Variants in CTTNBP2NL observed in about 807,000 individuals in gnomAD.
The protein encoded by CTTNBP2NL is CTTNBP2 N-terminal-like protein.
CTTNBP2NL carries 16 observed loss-of-function variants against 32.5 expected under a neutral mutation model. That is an observed-to-expected ratio of 0.49 (90% CI 0.33 to 0.75). The LOEUF is 0.75. Ranked by LOEUF, CTTNBP2NL falls within the 30% of genes least tolerant of loss-of-function variation. The pLI is 0.02. For synonymous variants in CTTNBP2NL, 298 were observed against 289.4 expected (o/e 1.03, Z -0.30); for missense variants, 645 against 756.0 (o/e 0.85, Z 1.72).
chr1:112,403,464 C>G (rs1648565304), intron 1 of CTTNBP2NL, among the ~76,000 whole-genome samples: 1 of 152,132 alleles, frequency 6.6e-6, no homozygotes, highest in South Asian at 2.1e-4. Flanking sequence ...AGTAGTTGTT[C>G]AGATGAGTTC....
At chr1:112,393,354 C>G (rs758249900), upstream of CTTNBP2NL, among the ~76,000 whole-genome samples, 1 of 152,112 alleles carries the variant, frequency 6.6e-6, no homozygotes, top group Non-Finnish European at 1.5e-5. Context: ...TGGAAATTTA[C>G]TTATTTGGAA....
upstream of CTTNBP2NL, among the ~76,000 whole-genome samples, chr1:112,394,393 T>G (rs576718102): frequency 9.2e-5 from 14 of 152,228 alleles, no homozygotes; most frequent in East Asian, 2.5e-3. Flanking sequence ...AAATGGGATT[T>G]TTCAAGTTCC....
rs1650473381 is a variant in CTTNBP2NL at position 112,459,260 on chromosome 1, C to T, written c.*1848C>T. ...AACTTTCCAACTGTGTAGGCCAGTA[C>T]AGCTGGCAAGGTTCATAGAATATAA... On this transcript the variant is annotated 3_prime_UTR_variant, in exon 6 of 6. Transcript: ENST00000271277. The T allele has an allele frequency of 6.6e-6, 1 of 152,182 alleles. No individual in the cohort carries two copies. Among genetic ancestry groups the T allele is most frequent in the South Asian group, 2.1e-4 (1 of 4,824 alleles). 9.4% of individuals were successfully genotyped at this position (152,182 alleles called of 1,614,324 possible).
intron 1 of CTTNBP2NL, among the ~76,000 whole-genome samples, chr1:112,405,320 T>TA (rs1321920473): frequency 1.3e-5 from 2 of 152,162 alleles, no homozygotes; most frequent in African/African-American, 2.4e-5. Context: ...TGTTTTGAGA[T>TA]AGAGTCTTGC....
intron 3 of CTTNBP2NL, 139 bp from the exon 4 acceptor site, chr1:112,448,803 A>G (rs1274183408): frequency 1.6e-6 from 1 of 612,396 alleles, no homozygotes; most frequent in Non-Finnish European, 3.0e-6. Context: ...GTTTCTTTAG[A>G]TGGCTCAATC....
chr1:112,445,541 T>C (rs969970384), intron 3 of CTTNBP2NL, among the ~76,000 whole-genome samples: 3 of 152,222 alleles, frequency 2.0e-5, no homozygotes, highest in Admixed American at 6.5e-5. Flanking sequence ...TTTCCTATAT[T>C]TGACCCCATA....
intron 5 of CTTNBP2NL, among the ~76,000 whole-genome samples, chr1:112,455,400 G>A (rs1423726341): frequency 6.6e-6 from 1 of 152,150 alleles, no homozygotes; most frequent in Admixed American, 6.5e-5. Flanking sequence ...CTACCCGGGA[G>A]GCTGAGGCAG....
At chr1:112,420,814 C>T (rs1319493921) in intron 3 of CTTNBP2NL, among the ~76,000 whole-genome samples, 1 of 151,884 alleles carries the variant, frequency 6.6e-6, no homozygotes, top group African/African-American at 2.4e-5. Context: ...CCTGATTTTT[C>T]AAAAAAGAAA....
intron 4 of CTTNBP2NL, among the ~76,000 whole-genome samples, chr1:112,452,381 G>T (rs1427124733): frequency 2.3e-5 from 2 of 88,424 alleles, no homozygotes; most frequent in Admixed American, 1.7e-4. Context: ...TTTCACTCTT[G>T]TTGCTCAGGC....
chr1:112,416,538 G>T (rs946153928), intron 3 of CTTNBP2NL, among the ~76,000 whole-genome samples: 1 of 148,322 alleles, frequency 6.7e-6, no homozygotes, highest in Non-Finnish European at 1.5e-5. Flanking sequence ...TCACTCTGTC[G>T]CCAGGCTGGA....
chr1:112,430,171 C>G, intron 3 of CTTNBP2NL, among the ~76,000 whole-genome samples: 1 of 33,436 alleles, frequency 3.0e-5, no homozygotes, highest in Non-Finnish European at 7.6e-5. Flanking sequence ...TCTTTTCTTT[C>G]TTTTCTTTTC....
At chr1:112,402,114 T>C (rs1043182862) in intron 1 of CTTNBP2NL, among the ~76,000 whole-genome samples, 2 of 152,110 alleles carry the variant, frequency 1.3e-5, no homozygotes, top group African/African-American at 4.8e-5. Context: ...CTGGGTCTAC[T>C]CACCATAGAA....
chr1:112,416,038 ATTTCC>A (rs1265167944), intron 2 of CTTNBP2NL, 114 bp from the exon 3 acceptor site: 4 of 637,152 alleles, frequency 6.3e-6, no homozygotes, highest in Non-Finnish European at 1.1e-5. Flanking sequence ...AATTTCAACT[ATTTCC>A]TTTATTAAGG....
intron 2 of CTTNBP2NL, among the ~76,000 whole-genome samples, chr1:112,414,060 TAAATA>T (rs1486871087): frequency 6.9e-6 from 1 of 145,392 alleles, no homozygotes; most frequent in African/African-American, 2.6e-5. Flanking sequence ...AAAAAATAAA[TAAATA>T]AAAAGAAAAA....
chr1:112,456,929 A>G lies in CTTNBP2NL; in HGVS notation c.1437A>G (p.Leu479=), dbSNP rs113335893. Residue 479 remains leucine (L), a synonymous_variant, in exon 6 of 6, where the codon CTA becomes CTG. Coordinates refer to ENST00000271277, the MANE Select transcript of CTTNBP2NL (RefSeq NM_018704.3). ...ATCAGGACCAACAAGCCAGTGGCCT[A>G]CAGAGCCCTCCATCCAGGGATTTAT... ...QADQDQQASG[L]QSPPSRDLSP... The G allele has an allele frequency of 1.3e-3, 2,045 of 1,614,076 alleles. 19 individuals carry two copies. In the African/African-American group the frequency reaches 0.024, roughly 19 times the overall value.
intron 2 of CTTNBP2NL, among the ~76,000 whole-genome samples, chr1:112,413,396 A>G (rs1648945226): frequency 6.6e-6 from 1 of 152,228 alleles, no homozygotes; most frequent in Non-Finnish European, 1.5e-5. Context: ...AGACAGGATA[A>G]TAGTTACTAA....
chr1:112,435,666 G>A lies in CTTNBP2NL; in HGVS notation c.100-13276G>A, dbSNP rs145677249. On this transcript the variant is annotated intron_variant, in intron 3 of 5. Coordinates refer to ENST00000271277, the MANE Select transcript of CTTNBP2NL (RefSeq NM_018704.3). ...GGCAGGAAATCATTGCATTGTGTTC[G>A]TTCTTTATTGGTAGTGAAGGATACC... Among the ~76,000 whole-genome samples the A allele has an allele frequency of 6.1e-4, 93 of 152,246 alleles. 1 individual carries two copies. In the East Asian group the frequency reaches 0.016, roughly 27 times the overall value.
intron 4 of CTTNBP2NL, among the ~76,000 whole-genome samples, chr1:112,452,469 C>T (rs753344016): frequency 1.3e-4 from 20 of 150,438 alleles, no homozygotes; most frequent in Non-Finnish European, 2.7e-4. Flanking sequence ...CTCAGCCTCC[C>T]GAGTAGCTGG....
intron 4 of CTTNBP2NL, among the ~76,000 whole-genome samples, chr1:112,451,738 C>G (rs1454657208): frequency 6.7e-6 from 1 of 149,394 alleles, no homozygotes; most frequent in African/African-American, 2.5e-5. Flanking sequence ...CCACTGTAAT[C>G]CAGCTTGGGT....
Sources: gnomAD v4.1 joint callset for allele counts (sites outside exome capture counted in the v4.1 genomes callset) on GRCh38, gnomAD v4.1.1 for gene constraint, MANE v1.5 for transcripts, NCBI Gene and HGNC (gene_info 2026-07-23, HGNC 2026-07-21) for gene names.